AMY2B: variants seen among roughly 807,000 people sequenced by gnomAD.
The protein encoded by AMY2B is amylase alpha 2B.
AMY2B carries 63 observed loss-of-function variants against 59.3 expected under a neutral mutation model. That is an observed-to-expected ratio of 1.06 (90% confidence interval 0.87 to 1.31). AMY2B has a LOEUF of 1.31. AMY2B is among the 50% of genes most tolerant of loss of function. The pLI is 0.00. For synonymous variants in AMY2B, 180 were observed against 198.1 expected, an observed-to-expected ratio of 0.91 and a Z score of 0.77; for missense variants, 635 against 626.7, an observed-to-expected ratio of 1.01 and a Z score of -0.14.
intron 1 of AMY2B, among the ~76,000 whole-genome samples, chr1:103,556,755 G>C (rs1295028577): frequency 6.6e-6 from 1 of 152,038 alleles, no homozygotes; most frequent in Non-Finnish European, 1.5e-5. Flanking sequence ...GAGATTGAAA[G>C]CATTATCTAA....
At position 103,576,996 on chromosome 1, in the gene AMY2B, G is replaced by A. The variant is rs1416289913; in HGVS notation, c.1102-494G>A. Among the ~76,000 whole-genome samples the A allele has an allele frequency of 6.6e-5, 10 of 152,294 alleles. 1 individual carries two copies. In the South Asian group the frequency reaches 1.5e-3, roughly 22 times the overall value. ...CACACCTGTAATCCCAGCACTTGGC[G>A]AGTCCAGGCGAGAAGATCAGCTGAC... On this transcript the variant is annotated intron_variant, in intron 7 of 9. Transcript: ENST00000684275.
At chr1:103,555,891 T>C (rs1651532071) in intron 1 of AMY2B, among the ~76,000 whole-genome samples, 1 of 152,026 alleles carries the variant, frequency 6.6e-6, no homozygotes, top group Admixed American at 6.6e-5. Flanking sequence ...AGAAAAAACA[T>C]AATGCCGGAA....
intron 1 of AMY2B, among the ~76,000 whole-genome samples, chr1:103,563,042 A>G (rs1651785215): frequency 6.6e-6 from 1 of 152,068 alleles, no homozygotes; most frequent in African/African-American, 2.4e-5. Flanking sequence ...TATTGATTGA[A>G]AAAATACTTT....
At position 103,573,771 on chromosome 1, in the gene AMY2B, A is replaced by T. The variant is rs201719981; in HGVS notation, c.577A>T (p.Lys193Ter). Reference protein sequence around the residue: ...LALEKDYVRSKIAEYMNHLID... With the variant: ...LALEKDYVRS Reference sequence around the variant, plus strand: ...ACTGGAGAAAGATTATGTGCGTTCCAAGATTGCCGAATATATGAATCATCT... The same window carrying T: ...ACTGGAGAAAGATTATGTGCGTTCCTAGATTGCCGAATATATGAATCATCT... Residue 193 changes from lysine to a stop codon, truncating the protein, a stop_gained, in exon 4 of 10, where the codon AAG becomes TAG. Transcript: ENST00000684275. LOFTEE classifies it high-confidence loss of function. 1.2e-6 allele frequency: 2 copies of T among 1,613,734 alleles called. No homozygotes were observed. The highest frequency in any genetic ancestry group is 1.7e-6 in the Non-Finnish European group (2 of 1,179,768).
intron 1 of AMY2B, among the ~76,000 whole-genome samples, chr1:103,555,639 G>A (rs557541855): frequency 6.6e-6 from 1 of 152,182 alleles, no homozygotes; most frequent in African/African-American, 2.4e-5. Flanking sequence ...TATATACGTA[G>A]GAAAACATTC....
chr1:103,575,518 C>A lies in AMY2B; in HGVS notation c.1079C>A (p.Pro360Gln). Reference protein sequence around the residue: ...FTRVMSSYRWPRQFQNGNDVN... With the variant: ...FTRVMSSYRWQRQFQNGNDVN... ...CGAGTAATGTCAAGCTACCGTTGGCCAAGACAGTTTCAAAATGGAAACGTA... is the reference window on the plus strand; with the variant it reads ...CGAGTAATGTCAAGCTACCGTTGGCAAAGACAGTTTCAAAATGGAAACGTA... The change falls in exon 7 of 10, where the codon CCA (proline) becomes CAA (glutamine). Residue 360 changes from proline (P) to glutamine (Q), a missense_variant. By Grantham distance (76) the Pro-to-Gln change is moderately conservative. Transcript: ENST00000684275. 1 of 1,613,644 alleles carries A rather than the reference C, an allele frequency of 6.2e-7. No individual in the cohort carries two copies. Among genetic ancestry groups the A allele is most frequent in the Non-Finnish European group, 8.5e-7 (1 of 1,179,800 alleles).
At chr1:103,568,373 T>C (rs1041375292), upstream of AMY2B, 8 of 152,168 alleles carry the variant, frequency 5.3e-5, no homozygotes, top group African/African-American at 1.7e-4. Context: ...ACAAGAAATA[T>C]TTGCCTACAG....
At position 103,575,171 on chromosome 1, in the gene AMY2B, G is replaced by A. The variant is rs369773732; in HGVS notation, c.879-52G>A. On this transcript the variant is annotated intron_variant, in intron 5 of 9. Coordinates refer to ENST00000684275, the MANE Select transcript of AMY2B (RefSeq NM_001387437.1). Reference sequence around the variant, plus strand: ...AAAGAGATGCACAGTTAAGTTACTCGCAAACTATTGTGAAATGATACATCA... The same window carrying A: ...AAAGAGATGCACAGTTAAGTTACTCACAAACTATTGTGAAATGATACATCA... The A allele has an allele frequency of 1.6e-4, 257 of 1,607,450 alleles. No individual in the cohort carries two copies. In the South Asian group the frequency reaches 2.2e-3, roughly 14 times the overall value.
chr1:103,574,551 C>A (rs1289590703), intron 5 of AMY2B, among the ~76,000 whole-genome samples, 158 bp downstream of exon 5: 1 of 152,076 alleles, frequency 6.6e-6, no homozygotes, highest in Non-Finnish European at 1.5e-5. Flanking sequence ...AATCAATCAT[C>A]TTTTGTATTT....
intron 1 of AMY2B, among the ~76,000 whole-genome samples, chr1:103,561,018 AATC>A (rs765954326): frequency 7.2e-5 from 11 of 152,180 alleles, no homozygotes; most frequent in Non-Finnish European, 2.9e-5. Context: ...AAATGAGGAT[AATC>A]ATATTTCTAT....
chr1:103,574,228 C>A (rs1195008345), intron 4 of AMY2B, 32 bp from the exon 5 acceptor site: 2 of 1,611,190 alleles, frequency 1.2e-6, no homozygotes, highest in African/African-American at 1.3e-5. Flanking sequence ...AGTCCTTATG[C>A]AAAATGTTAC....
chr1:103,577,869 A>G, intron 9 of AMY2B, 24 bp downstream of exon 9: 1 of 1,598,128 alleles, frequency 6.3e-7, no homozygotes, highest in Non-Finnish European at 8.5e-7. Flanking sequence ...AATTAAAAAT[A>G]ATATTTTGTA....
intron 9 of AMY2B, 57 bp downstream of exon 9, chr1:103,577,902 C>T (rs1439323207): frequency 1.3e-6 from 2 of 1,589,140 alleles, no homozygotes; most frequent in Admixed American, 1.7e-5. Context: ...TGGTTTATTC[C>T]TTTTTTTCTG....
At chr1:103,571,220 A>G (rs1652118082), upstream of AMY2B, 1 of 684,224 alleles carries the variant, frequency 1.5e-6, no homozygotes, top group Admixed American at 4.7e-5. Flanking sequence ...TTGCATTTAT[A>G]CCTATAAATG....
chr1:103,560,472 A>T (rs1345415046), intron 1 of AMY2B, among the ~76,000 whole-genome samples: 1 of 152,102 alleles, frequency 6.6e-6, no homozygotes, highest in Non-Finnish European at 1.5e-5. Flanking sequence ...ATCTGTTTTT[A>T]AAAAATCTGT....
At chr1:103,577,966 C>A (rs1652430474) in intron 9 of AMY2B, 121 bp downstream of exon 9, 1 of 1,533,734 alleles carries the variant, frequency 6.5e-7, no homozygotes, top group Non-Finnish European at 8.7e-7. Context: ...AGCAAGAAGA[C>A]AATAGACATC....
At chr1:103,570,469 G>T, upstream of AMY2B, 1 of 702,322 alleles carries the variant, frequency 1.4e-6, no homozygotes. Flanking sequence ...ATGTACCCAG[G>T]CATCACCGAC....
intron 7 of AMY2B, among the ~76,000 whole-genome samples, chr1:103,577,061 C>T (rs989195607): frequency 2.0e-5 from 3 of 152,100 alleles, no homozygotes; most frequent in Non-Finnish European, 4.4e-5. Flanking sequence ...CTAGCAAGAC[C>T]TCGTCTTTAC....
chr1:103,563,451 A>T (rs1233279876), intron 1 of AMY2B, among the ~76,000 whole-genome samples: 1 of 152,120 alleles, frequency 6.6e-6, no homozygotes, highest in African/African-American at 2.4e-5. Context: ...TGTGTTTTTG[A>T]TGCCGAAGAT....
Sources: gnomAD v4.1 joint callset for allele counts (sites outside exome capture counted in the v4.1 genomes callset) on GRCh38, gnomAD v4.1.1 for gene constraint, MANE v1.5 for transcripts, NCBI Gene and HGNC (gene_info 2026-07-23, HGNC 2026-07-21) for gene names.